CAPN13: variants seen among roughly 807,000 people sequenced by gnomAD.
The protein encoded by CAPN13 is calpain 13.
Under a neutral mutation model 98.4 loss-of-function variants are expected in CAPN13, and 90 were observed. The observed-to-expected ratio is 0.92, with a 90% CI of 0.77 to 1.09. The LOEUF is 1.09. Among genes scored for constraint, CAPN13 ranks in the 50% least tolerant of loss-of-function variants. CAPN13 has a pLI of 0.00. For synonymous variants in CAPN13, 330 were observed against 305.5 expected (o/e 1.08, Z -0.84); for missense variants, 887 against 841.3 (o/e 1.05, Z -0.67).
Position 30,741,982 on chromosome 2 carries a change from TAGTC to T in CAPN13, c.1480-22_1480-19del, listed in dbSNP as rs1488980796. On this transcript the variant is annotated intron_variant, in intron 14 of 22. Transcript: ENST00000295055. The stretch of plus-strand genomic sequence containing the variant: ...GGGCTTCCCTGGATCAAAGGGAAAA[TAGTC>T]AATGTTAGACTTCTGGGGAAGGAGG... 2 of 1,609,396 alleles carry T rather than the reference TAGTC, an allele frequency of 1.2e-6. No homozygotes were observed. Among genetic ancestry groups the T allele is most frequent in the Admixed American group, 3.3e-5 (2 of 59,968 alleles).
At chr2:30,736,951 C>T (rs1671397737) in intron 17 of CAPN13, among the ~76,000 whole-genome samples, 1 of 152,170 alleles carries the variant, frequency 6.6e-6, no homozygotes, top group Non-Finnish European at 1.5e-5. Context: ...CACATAGAGT[C>T]CTGCGTGCAC....
intron 15 of CAPN13, among the ~76,000 whole-genome samples, chr2:30,740,692 C>T (rs1049200545): frequency 2.0e-5 from 3 of 152,218 alleles, no homozygotes; most frequent in African/African-American, 7.2e-5. Flanking sequence ...CAGTCACCCT[C>T]TATGAGGAGG....
At chr2:30,761,048 C>G (rs581331) in intron 7 of CAPN13, among the ~76,000 whole-genome samples, 110,269 of 152,210 alleles carry the variant, frequency 0.72, 43,020 homozygotes, top group South Asian at 0.89. Flanking sequence ...ACAATAAAAA[C>G]CAGCAGTGCT....
At chr2:30,749,929 A>G (rs1399176901) in intron 11 of CAPN13, among the ~76,000 whole-genome samples, 3 of 152,196 alleles carry the variant, frequency 2.0e-5, no homozygotes, top group Non-Finnish European at 1.5e-5. Context: ...TTTAAAAAAA[A>G]TGAATTCCCC....
intron 22 of CAPN13, among the ~76,000 whole-genome samples, chr2:30,725,897 A>G (rs1342996338): frequency 6.6e-6 from 1 of 152,188 alleles, no homozygotes; most frequent in African/African-American, 2.4e-5. Flanking sequence ...GATGTATTAG[A>G]GATAATAACA....
intron 15 of CAPN13, among the ~76,000 whole-genome samples, chr2:30,739,938 T>A (rs1572795137): frequency 6.6e-6 from 1 of 152,140 alleles, no homozygotes; most frequent in Admixed American, 6.5e-5. Flanking sequence ...GATGGGTAAA[T>A]GCTGGCTACT....
chr2:30,743,526 G>T lies in CAPN13; in HGVS notation c.1302C>A (p.Val434=). 6.2e-7 allele frequency: 1 copy of T among 1,613,910 alleles called. No homozygotes were observed. Among genetic ancestry groups the T allele is most frequent in the Non-Finnish European group, 8.5e-7 (1 of 1,179,882 alleles). The part of the protein sequence containing the change: ...PVFFSSFRNT[V]QSSNNKFRRN... ...GGCGGAATTTATTATTTGAGCTTTG[G>T]ACAGTGTTTCTGAACGAGGAAAAAA... Residue 434 remains valine, a synonymous_variant, in exon 13 of 23, where the codon GTC becomes GTA. Transcript: ENST00000295055.
chr2:30,754,277 G>A lies in CAPN13; in HGVS notation c.941+13C>T. 1 of 1,593,238 alleles carries A rather than the reference G, an allele frequency of 6.3e-7. No homozygotes were observed. Among genetic ancestry groups the A allele is most frequent in the Admixed American group, 1.8e-5 (1 of 56,638 alleles). ...AAAGATTTAAAACACCATTGTATAA[G>A]AAGGGTAAATACCAAAACTCGCCAT... On this transcript the variant is annotated intron_variant, in intron 9 of 22. Transcript: ENST00000295055.
intron 19 of CAPN13, among the ~76,000 whole-genome samples, chr2:30,733,534 G>A (rs1266287912): frequency 6.6e-6 from 1 of 152,104 alleles, no homozygotes; most frequent in Non-Finnish European, 1.5e-5. Flanking sequence ...CCAGGGGCAT[G>A]AGCATCCCCT....
intron 3 of CAPN13, 83 bp downstream of exon 3, chr2:30,777,484 G>A: frequency 7.9e-7 from 1 of 1,259,974 alleles, no homozygotes. Context: ...TTCTCCCTCA[G>A]AAGTGGGGCA....
chr2:30,786,890 T>C (rs1238708649), intron 2 of CAPN13, among the ~76,000 whole-genome samples: 1 of 152,160 alleles, frequency 6.6e-6, no homozygotes. Context: ...CTGAGGTATT[T>C]TAATTTAGTG....
intron 6 of CAPN13, among the ~76,000 whole-genome samples, chr2:30,763,659 C>A (rs1672957715): frequency 6.6e-6 from 1 of 152,230 alleles, no homozygotes; most frequent in African/African-American, 2.4e-5. Context: ...TGGAGGGTCA[C>A]CCAAGCTTTT....
chr2:30,793,328 TAGG>T (rs755910945), intron 1 of CAPN13, among the ~76,000 whole-genome samples: 20 of 151,180 alleles, frequency 1.3e-4, no homozygotes, highest in Non-Finnish European at 1.9e-4. Context: ...CAACAAAAAA[TAGG>T]AGAATAGTAA....
intron 15 of CAPN13, among the ~76,000 whole-genome samples, chr2:30,740,318 T>C (rs1270850875): frequency 6.6e-6 from 1 of 152,030 alleles, no homozygotes; most frequent in Non-Finnish European, 1.5e-5. Context: ...TGGTCTCGAA[T>C]TCCTGACCTC....
Position 30,757,589 on chromosome 2 carries a change from T to C in CAPN13, c.866+457A>G, listed in dbSNP as rs1293239839. On this transcript the variant is annotated intron_variant, in intron 8 of 22. Transcript: ENST00000295055. ...CCAACTGCCCCCAGTTAGGACACCT[T>C]TTCCACCCTGATGATGTGACATGCT... 2.0e-5 allele frequency among the ~76,000 whole-genome samples: 3 copies of C among 152,326 alleles called. No individual in the cohort carries two copies. In the East Asian group the frequency reaches 5.8e-4, roughly 29 times the overall value.
intron 12 of CAPN13, 46 bp from the exon 13 acceptor site, chr2:30,743,625 G>T (rs1671766324): frequency 1.3e-6 from 2 of 1,567,754 alleles, no homozygotes; most frequent in Admixed American, 1.7e-5. Flanking sequence ...CCTCCTCTGT[G>T]CATGGACCCC....
At chr2:30,734,975 C>A (rs906414449) in intron 18 of CAPN13, among the ~76,000 whole-genome samples, 1 of 152,228 alleles carries the variant, frequency 6.6e-6, no homozygotes, top group Admixed American at 6.5e-5. Flanking sequence ...ACAGTGCCTA[C>A]CTCACAGGTT....
intron 22 of CAPN13, among the ~76,000 whole-genome samples, chr2:30,728,559 G>T (rs558796481): frequency 6.6e-6 from 1 of 152,196 alleles, no homozygotes; most frequent in South Asian, 2.1e-4. Context: ...AGGAAGTAAA[G>T]GTGTAATGGT....
At chr2:30,760,871 G>A (rs539439457) in intron 7 of CAPN13, among the ~76,000 whole-genome samples, 2 of 152,322 alleles carry the variant, frequency 1.3e-5, no homozygotes, top group South Asian at 4.1e-4. Context: ...CCTGGCCTCT[G>A]ACTCTGCCTC....
Sources: allele counts gnomAD v4.1 joint callset (sites outside exome capture counted in the v4.1 genomes callset), GRCh38; gene constraint gnomAD v4.1.1; transcripts MANE v1.5; gene names NCBI Gene and HGNC (gene_info 2026-07-23, HGNC 2026-07-21).